Variants in PIGL observed in about 807,000 individuals in gnomAD.
PIGL encodes N-acetylglucosaminyl-phosphatidylinositol de-N-acetylase.
In PIGL, 22 loss-of-function variants were observed where a neutral mutation model predicts 31.1. That is an observed-to-expected ratio of 0.71 (90% CI 0.51 to 1.01). The LOEUF is 1.01. Ranked by LOEUF, PIGL falls within the 50% of genes least tolerant of loss-of-function variation. The probability of loss-of-function intolerance (pLI) is 0.00; values close to 1 mark genes in which losing one functional copy is unlikely to be tolerated. For missense variants in PIGL, 302 were observed against 315.9 expected, an observed-to-expected ratio of 0.96 and a Z score of 0.33; for synonymous variants, 131 against 117.4, an observed-to-expected ratio of 1.12 and a Z score of -0.75.
At chr17:16,246,236 C>A (rs1397372344) in intron 2 of PIGL, among the ~76,000 whole-genome samples, 1 of 151,670 alleles carries the variant, frequency 6.6e-6, no homozygotes, top group African/African-American at 2.4e-5. Flanking sequence ...GTAAGTACTT[C>A]AGGCCGGGTG....
chr17:16,267,164 T>C (rs190654478), intron 2 of PIGL, among the ~76,000 whole-genome samples: 1 of 152,348 alleles, frequency 6.6e-6, no homozygotes, highest in East Asian at 1.9e-4. Context: ...ATATTTTGTA[T>C]CTTTATCATA....
At chr17:16,301,657 C>T (rs1481465717) in intron 3 of PIGL, among the ~76,000 whole-genome samples, 8 of 151,238 alleles carry the variant, frequency 5.3e-5, no homozygotes, top group African/African-American at 1.9e-4. Context: ...CTGCAAGCTC[C>T]GCCTCCCGGG....
intron 3 of PIGL, among the ~76,000 whole-genome samples, chr17:16,309,585 C>T (rs1204638072): frequency 4.7e-5 from 7 of 150,224 alleles, no homozygotes; most frequent in South Asian, 2.1e-4. Flanking sequence ...CATAACGAAA[C>T]CCCATCTCTA....
At chr17:16,245,855 T>C (rs1488999351) in intron 2 of PIGL, among the ~76,000 whole-genome samples, 1 of 149,142 alleles carries the variant, frequency 6.7e-6, no homozygotes, top group Non-Finnish European at 1.5e-5. Flanking sequence ...AGTCTCCCTC[T>C]GTCACCCAGG....
intron 2 of PIGL, among the ~76,000 whole-genome samples, chr17:16,286,871 C>G (rs1436090613): frequency 1.3e-5 from 2 of 152,168 alleles, no homozygotes; most frequent in Non-Finnish European, 1.5e-5. Flanking sequence ...GATTCCTCAC[C>G]TCTTCCCCTG....
chr17:16,285,826 A>G (rs919153036), intron 2 of PIGL, among the ~76,000 whole-genome samples: 31 of 151,918 alleles, frequency 2.0e-4, no homozygotes, highest in African/African-American at 7.5e-4. Flanking sequence ...GGCTTAGGTT[A>G]GTCCTTGGCG....
At chr17:16,324,947 AC>A (rs1218456230) in intron 6 of PIGL, among the ~76,000 whole-genome samples, 2 of 152,094 alleles carry the variant, frequency 1.3e-5, no homozygotes, top group Non-Finnish European at 2.9e-5. Flanking sequence ...ACCTCCCCAA[AC>A]GACCTAACTC....
chr17:16,298,924 A>T (rs1162462435), intron 2 of PIGL, among the ~76,000 whole-genome samples: 1 of 152,042 alleles, frequency 6.6e-6, no homozygotes, highest in African/African-American at 2.4e-5. Flanking sequence ...GCTACTTGGG[A>T]GGCTGAGCAG....
At chr17:16,221,669 G>C (rs1313408916) in intron 1 of PIGL, among the ~76,000 whole-genome samples, 1 of 151,826 alleles carries the variant, frequency 6.6e-6, no homozygotes, top group Non-Finnish European at 1.5e-5. Context: ...TCCCAGGCTG[G>C]AGTGCAGTGG....
At chr17:16,274,364 A>G (rs2092884850) in intron 2 of PIGL, among the ~76,000 whole-genome samples, 1 of 152,190 alleles carries the variant, frequency 6.6e-6, no homozygotes, top group Non-Finnish European at 1.5e-5. Context: ...ATTGCTGTAG[A>G]ACATAGGTCA....
intron 1 of PIGL, among the ~76,000 whole-genome samples, chr17:16,233,748 A>G (rs1356594874): frequency 6.6e-6 from 1 of 152,176 alleles, no homozygotes; most frequent in Admixed American, 6.6e-5. Flanking sequence ...TATAGATACA[A>G]AGATGGGAAA....
At chr17:16,300,365 A>G (rs1026146307) in intron 3 of PIGL, among the ~76,000 whole-genome samples, 2 of 152,254 alleles carry the variant, frequency 1.3e-5, no homozygotes, top group African/African-American at 4.8e-5. Flanking sequence ...GCATTTTCAC[A>G]GAGTATCATT....
At chr17:16,233,469 T>G (rs1454302365) in intron 1 of PIGL, among the ~76,000 whole-genome samples, 3 of 152,050 alleles carry the variant, frequency 2.0e-5, no homozygotes, top group Non-Finnish European at 4.4e-5. Context: ...GAAGCTTTCC[T>G]AAATGGTATC....
chr17:16,268,594 G>A (rs1242515601), intron 2 of PIGL, among the ~76,000 whole-genome samples: 5 of 151,882 alleles, frequency 3.3e-5, no homozygotes, highest in Admixed American at 2.0e-4. Context: ...GATTACAGGC[G>A]CCTGCCACCA....
intron 2 of PIGL, among the ~76,000 whole-genome samples, chr17:16,236,153 AT>A (rs1340258203): frequency 1.3e-5 from 2 of 152,066 alleles, no homozygotes. Flanking sequence ...TAGGTGCTTA[AT>A]TTTTTCCCCT....
At position 16,218,696 on chromosome 17, in the gene PIGL, T is replaced by TTC. The variant is rs71299855; in HGVS notation, c.235+1235_235+1236insTC. Among the ~76,000 whole-genome samples the TTC allele has an allele frequency of 6.6e-5, 10 of 150,580 alleles. No individual in the cohort carries two copies. In the East Asian group the frequency reaches 1.7e-3, roughly 26 times the overall value. On this transcript the variant is annotated intron_variant, in intron 1 of 6. Transcript: ENST00000225609. ...CTTACTCTTTTTTTTTTTTTTTTTT[T>TTC]CTGAGATAGTCTCGCTCTGTTGCCC...
At chr17:16,240,913 G>A (rs970435545) in intron 2 of PIGL, among the ~76,000 whole-genome samples, 21 of 151,636 alleles carry the variant, frequency 1.4e-4, no homozygotes, top group African/African-American at 3.4e-4. Flanking sequence ...TCGGGAGTTC[G>A]AGACCAGCCT....
chr17:16,266,656 C>T (rs932514716), intron 2 of PIGL, among the ~76,000 whole-genome samples: 15 of 151,728 alleles, frequency 9.9e-5, no homozygotes, highest in African/African-American at 3.4e-4. Flanking sequence ...AGTGCAGTGG[C>T]GCTATCTCGG....
intron 6 of PIGL, among the ~76,000 whole-genome samples, chr17:16,318,234 A>C (rs2093086992): frequency 6.6e-6 from 1 of 152,042 alleles, no homozygotes; most frequent in African/African-American, 2.4e-5. Flanking sequence ...CACCAATCAC[A>C]GGTAATCCTT....
Sources: allele counts gnomAD v4.1 joint callset (sites outside exome capture counted in the v4.1 genomes callset), GRCh38; gene constraint gnomAD v4.1.1; transcripts MANE v1.5; gene names NCBI Gene and HGNC (gene_info 2026-07-23, HGNC 2026-07-21).